The following HS6ST2 variants were observed in gnomAD, a reference collection of about 807,000 sequenced individuals.
The protein encoded by HS6ST2 is heparan-sulfate 6-O-sulfotransferase 2.
A neutral mutation model predicts 33.0 loss-of-function variants in HS6ST2; 17 were observed. That is an observed-to-expected ratio of 0.52 (90% CI 0.35 to 0.77). The LOEUF is 0.77. Ranked by LOEUF, HS6ST2 falls within the 30% of genes least tolerant of loss-of-function variation. The pLI is 0.01. For missense variants in HS6ST2, 519 were observed against 551.7 expected (o/e 0.94, Z 0.59); for synonymous variants, 248 against 237.1 (o/e 1.05, Z -0.42).
intron 2 of HS6ST2, among the ~76,000 whole-genome samples, chrX:132,787,404 T>G: frequency 1.0e-5 from 1 of 97,898 alleles, no homozygotes; most frequent in Non-Finnish European, 2.0e-5. Flanking sequence ...ACGATTCTCC[T>G]GCCTCAGCCT....
intron 2 of HS6ST2, among the ~76,000 whole-genome samples, chrX:132,732,639 A>G (rs2148278595): frequency 9.0e-6 from 1 of 111,550 alleles, no homozygotes; most frequent in Non-Finnish European, 1.9e-5. Context: ...GTTCCTCTGC[A>G]CAAGCTCTCT....
chrX:132,650,402 T>A (rs2063680786), intron 4 of HS6ST2, among the ~76,000 whole-genome samples: 1 of 111,759 alleles, frequency 8.9e-6, no homozygotes, highest in South Asian at 3.8e-4. Flanking sequence ...AGAACAGTGA[T>A]AGGATGGAAT....
Position 132,863,881 on chromosome X carries a change from G to C in HS6ST2, c.947+92927C>G, listed in dbSNP as rs188838037. Among the ~76,000 whole-genome samples the C allele has an allele frequency of 4.3e-4, 48 of 111,626 alleles. No homozygotes were observed. The Admixed American group carries it at 4.6e-3, about 11-fold the overall frequency. On this transcript the variant is annotated intron_variant, in intron 2 of 4. Coordinates refer to ENST00000370833, the MANE Select transcript of HS6ST2 (RefSeq NM_001394073.1). ...ATATTGAAGAAGGCTTACTATGCCT[G>C]CTAAACATTACTCAAGAATGAACGG...
intron 2 of HS6ST2, among the ~76,000 whole-genome samples, chrX:132,723,050 T>A (rs912293090): frequency 7.2e-5 from 8 of 111,425 alleles, no homozygotes; most frequent in Non-Finnish European, 1.5e-4. Context: ...TATGAGCAAG[T>A]ATATGCCAAA....
At chrX:132,719,713 A>AT (rs1191962784) in intron 2 of HS6ST2, among the ~76,000 whole-genome samples, 2 of 112,029 alleles carry the variant, frequency 1.8e-5, no homozygotes, top group Non-Finnish European at 3.8e-5. Flanking sequence ...TCACATGTCC[A>AT]TTTTTTTGCA....
chrX:132,632,439 C>T (rs901049606), intron 4 of HS6ST2, among the ~76,000 whole-genome samples: 12 of 110,965 alleles, frequency 1.1e-4, no homozygotes, highest in African/African-American at 3.9e-4. Flanking sequence ...CCAGGATGCT[C>T]ATTATATCCA....
intron 2 of HS6ST2, among the ~76,000 whole-genome samples, chrX:132,902,393 GCACCAGGCCAGATAA>G (rs2066433988): frequency 8.9e-6 from 1 of 112,487 alleles, no homozygotes; most frequent in Non-Finnish European, 1.9e-5. Flanking sequence ...CTGAGCCAGT[GCACCAGGCCAGATAA>G]CACTAATTAA....
At chrX:132,795,829 A>G (rs1228007670) in intron 2 of HS6ST2, among the ~76,000 whole-genome samples, 2 of 111,338 alleles carry the variant, frequency 1.8e-5, no homozygotes, top group Non-Finnish European at 3.8e-5. Context: ...GGCTGGTCTC[A>G]AACTCCAGGG....
intron 2 of HS6ST2, among the ~76,000 whole-genome samples, chrX:132,772,709 C>T (rs1030454536): frequency 1.9e-4 from 17 of 90,960 alleles, no homozygotes; most frequent in Admixed American, 8.2e-4. Flanking sequence ...GATTAATATA[C>T]AATATATAAA....
At position 132,668,014 on chromosome X, in the gene HS6ST2, C is replaced by T. The variant is rs751482101; in HGVS notation, c.1067+1099G>A. ...GTTTTTTATATTTTGCAAGATAACC[C>T]GCATTCAACTTTATATGCAAACCTG... is the stretch of plus-strand genomic sequence containing the variant. On this transcript the variant is annotated intron_variant, in intron 4 of 4. Coordinates refer to ENST00000370833, the MANE Select transcript of HS6ST2 (RefSeq NM_001394073.1). 1.3e-4 allele frequency among the ~76,000 whole-genome samples: 14 copies of T among 111,304 alleles called. No individual in the cohort carries two copies. In the South Asian group the frequency reaches 3.0e-3, roughly 24 times the overall value.
chrX:132,740,360 G>A (rs1490348378), intron 2 of HS6ST2, among the ~76,000 whole-genome samples: 1 of 111,810 alleles, frequency 8.9e-6, no homozygotes, highest in African/African-American at 3.3e-5. Flanking sequence ...CTCTGCAGAT[G>A]TAATCAGAGT....
intron 2 of HS6ST2, among the ~76,000 whole-genome samples, chrX:132,896,386 T>C (rs183911670): frequency 1.9e-4 from 20 of 107,501 alleles, no homozygotes; most frequent in Non-Finnish European, 3.6e-4. Context: ...TGGGAGAATG[T>C]CATAAACCCA....
intron 2 of HS6ST2, among the ~76,000 whole-genome samples, chrX:132,896,882 A>C (rs1175069726): frequency 8.9e-6 from 1 of 112,166 alleles, no homozygotes; most frequent in East Asian, 2.8e-4. Context: ...ATAAACATCT[A>C]GAAAGAGATT....
At chrX:132,787,073 C>A (rs1008516328) in intron 2 of HS6ST2, among the ~76,000 whole-genome samples, 1 of 101,227 alleles carries the variant, frequency 9.9e-6, no homozygotes, top group Admixed American at 1.1e-4. Context: ...TCAAAGGTCC[C>A]TAATATATGC....
intron 2 of HS6ST2, among the ~76,000 whole-genome samples, chrX:132,847,943 A>G (rs1315209187): frequency 2.7e-5 from 3 of 112,450 alleles, no homozygotes; most frequent in Non-Finnish European, 5.6e-5. Context: ...AACTCAATCA[A>G]TGGAAGGTGT....
intron 2 of HS6ST2, among the ~76,000 whole-genome samples, chrX:132,769,596 A>G (rs967557420): frequency 1.8e-5 from 2 of 112,355 alleles, no homozygotes; most frequent in African/African-American, 6.5e-5. Context: ...TCAGACTACA[A>G]AAGTCATTAT....
chrX:132,877,861 T>C (rs2066124099), intron 2 of HS6ST2, among the ~76,000 whole-genome samples: 1 of 110,126 alleles, frequency 9.1e-6, no homozygotes, highest in African/African-American at 3.3e-5. Context: ...ATAAATTCTA[T>C]TGTATGGAAA....
Position 132,706,070 on chromosome X carries a change from C to CA in HS6ST2, c.980+2391dup, listed in dbSNP as rs1282237256. 2.4e-3 allele frequency among the ~76,000 whole-genome samples: 220 copies of CA among 92,474 alleles called. 1 individual carries two copies. The highest frequency in any genetic ancestry group is 5.6e-3 in the Middle Eastern group (1 of 178). 80.3% of individuals were successfully genotyped at this position (92,474 alleles called of 115,157 possible). ...AATAGTTCCCAACGTTTGAAAGGTA[C>CA]AAAAAAAAAAAAGTGTGGCATCATT... On this transcript the variant is annotated intron_variant, in intron 3 of 4. Coordinates refer to ENST00000370833, the MANE Select transcript of HS6ST2 (RefSeq NM_001394073.1).
intron 2 of HS6ST2, among the ~76,000 whole-genome samples, chrX:132,944,804 T>G (rs1440194799): frequency 2.7e-5 from 3 of 110,396 alleles, no homozygotes; most frequent in African/African-American, 6.6e-5. Context: ...TAGCCATATG[T>G]AGAAAGCTGA....
Sources: allele counts gnomAD v4.1 joint callset (sites outside exome capture counted in the v4.1 genomes callset), GRCh38; gene constraint gnomAD v4.1.1; transcripts MANE v1.5; gene names NCBI Gene and HGNC (gene_info 2026-07-23, HGNC 2026-07-21).